The following RNF150 variants were observed in gnomAD, a reference collection of about 807,000 sequenced individuals.
The protein encoded by RNF150 is ring finger protein 150.
In RNF150, 24 loss-of-function variants were observed where a neutral mutation model predicts 39.3. The ratio of observed to expected loss-of-function variants is 0.61; its 90% CI spans 0.44 to 0.86. RNF150 has a LOEUF of 0.86. Ranked by LOEUF, RNF150 falls within the 40% of genes least tolerant of loss-of-function variation. RNF150 has a pLI of 0.00. For missense variants in RNF150, 502 were observed against 587.8 expected, an observed-to-expected ratio of 0.85 and a Z score of 1.51; for synonymous variants, 255 against 227.3, an observed-to-expected ratio of 1.12 and a Z score of -1.10.
In RNF150 at chr4:141,053,623, CATTA is replaced by C. The variant is rs1204804201; in HGVS notation, c.484+78698_484+78701del. The C allele has an allele frequency of 4.3e-6, 4 of 938,174 alleles. No individual in the cohort carries two copies. The Admixed American group carries it at 1.2e-4, about 28-fold the overall frequency. The allele number at this position is 938,174 out of a possible 1,614,324, so 58.1% of individuals were successfully genotyped here. A position where few individuals can be genotyped will look rare whatever the true frequency, so the allele number is the denominator to read the frequency against. ...AAGTTAAGGAAGATATCATGGAAGT[CATTA>C]AACTGAGTGAAGCGTGCATTTTAGA... is the stretch of plus-strand genomic sequence containing the variant. On this transcript the variant is annotated intron_variant, in intron 1 of 6. Coordinates refer to ENST00000515673, the MANE Select transcript of RNF150 (RefSeq NM_020724.2).
intron 1 of RNF150, among the ~76,000 whole-genome samples, chr4:141,153,005 A>G (rs375056400): frequency 2.6e-5 from 4 of 152,296 alleles, no homozygotes; most frequent in South Asian, 4.1e-4. Context: ...TTTTTGAGTT[A>G]CCAGAAGGGT....
chr4:140,921,523 G>A (rs1187753148), intron 5 of RNF150, among the ~76,000 whole-genome samples: 1 of 152,078 alleles, frequency 6.6e-6, no homozygotes, highest in Non-Finnish European at 1.5e-5. Context: ...ATTCACAGCC[G>A]AATTCTACCA....
chr4:140,952,878 G>T (rs962730486), intron 2 of RNF150, among the ~76,000 whole-genome samples: 1 of 152,182 alleles, frequency 6.6e-6, no homozygotes, highest in Non-Finnish European at 1.5e-5. Flanking sequence ...GAAATCCATT[G>T]TTAGGCGATT....
intron 6 of RNF150, among the ~76,000 whole-genome samples, chr4:140,902,308 G>A (rs1388998778): frequency 6.6e-6 from 1 of 152,118 alleles, no homozygotes; most frequent in Non-Finnish European, 1.5e-5. Flanking sequence ...CCTGAGCACT[G>A]GGAAGTAATT....
chr4:141,126,708 A>T (rs1726764602), intron 1 of RNF150, among the ~76,000 whole-genome samples: 1 of 152,204 alleles, frequency 6.6e-6, no homozygotes, highest in Non-Finnish European at 1.5e-5. Context: ...GGGTTTTCTG[A>T]TCAAGAAGCC....
chr4:141,006,892 T>C (rs2110733615), intron 1 of RNF150, among the ~76,000 whole-genome samples: 1 of 152,316 alleles, frequency 6.6e-6, no homozygotes, highest in Non-Finnish European at 1.5e-5. Context: ...GCAAAATGTA[T>C]ATATAGTTGC....
intron 4 of RNF150, among the ~76,000 whole-genome samples, chr4:140,936,654 A>G (rs1731873714): frequency 6.6e-6 from 1 of 152,166 alleles, no homozygotes. Context: ...TTAAAAAAGC[A>G]TTATAAAAAA....
At chr4:140,875,411 A>C (rs529606185) in intron 6 of RNF150, among the ~76,000 whole-genome samples, 5 of 152,238 alleles carry the variant, frequency 3.3e-5, no homozygotes, top group African/African-American at 1.2e-4. Flanking sequence ...TCCTGGCTTC[A>C]AGCCATCCTC....
intron 1 of RNF150, among the ~76,000 whole-genome samples, chr4:141,092,155 C>G (rs1738605213): frequency 6.6e-6 from 1 of 151,980 alleles, no homozygotes; most frequent in South Asian, 2.1e-4. Flanking sequence ...ACCAGCCTGG[C>G]CAACATGGCA....
At chr4:141,045,368 T>C (rs944469485) in intron 1 of RNF150, among the ~76,000 whole-genome samples, 2 of 152,172 alleles carry the variant, frequency 1.3e-5, no homozygotes, top group African/African-American at 4.8e-5. Flanking sequence ...ACTTACTAGG[T>C]TCCTATCCTC....
At chr4:141,140,970 A>C (rs1262621870) in intron 1 of RNF150, among the ~76,000 whole-genome samples, 1 of 152,206 alleles carries the variant, frequency 6.6e-6, no homozygotes, top group Non-Finnish European at 1.5e-5. Flanking sequence ...TTAGGTCAAG[A>C]CTGCAGCATG....
chr4:141,129,753 A>C (rs1330153312), intron 1 of RNF150, among the ~76,000 whole-genome samples: 3 of 152,340 alleles, frequency 2.0e-5, no homozygotes, highest in Admixed American at 6.5e-5. Flanking sequence ...AAAATTATTT[A>C]AGCAGGAAAA....
intron 1 of RNF150, among the ~76,000 whole-genome samples, chr4:141,201,919 G>C (rs1323043768): frequency 6.6e-6 from 1 of 152,072 alleles, no homozygotes. Context: ...GTGATAATTA[G>C]GCCATGAAGG....
At chr4:140,997,019 A>G (rs1560676225) in intron 1 of RNF150, 1 of 152,208 alleles carries the variant, frequency 6.6e-6, no homozygotes, top group Admixed American at 6.5e-5. Flanking sequence ...TTTCAGACCC[A>G]TTGAAGAATT....
At chr4:140,872,905 G>T (rs1729005157) in intron 6 of RNF150, among the ~76,000 whole-genome samples, 1 of 152,162 alleles carries the variant, frequency 6.6e-6, no homozygotes, top group Non-Finnish European at 1.5e-5. Context: ...CAATACATTT[G>T]GAAGTCTTCA....
chr4:140,878,164 GTTTTTTTTTTTT>G (rs58338048), intron 6 of RNF150, among the ~76,000 whole-genome samples: 9 of 90,512 alleles, frequency 9.9e-5, no homozygotes, highest in African/African-American at 3.2e-4. Context: ...ATCTCATTGT[GTTTTTTTTTTTT>G]TTTTTTTTTC....
chr4:141,190,504 T>G (rs754763129), intron 1 of RNF150, among the ~76,000 whole-genome samples: 1 of 152,176 alleles, frequency 6.6e-6, no homozygotes, highest in Non-Finnish European at 1.5e-5. Flanking sequence ...TACAGTCCTA[T>G]GACTACAAGG....
At chr4:140,907,197 G>C (rs1730414003) in intron 6 of RNF150, among the ~76,000 whole-genome samples, 1 of 152,152 alleles carries the variant, frequency 6.6e-6, no homozygotes, top group Non-Finnish European at 1.5e-5. Context: ...GGCATGATCA[G>C]GCTTACAGAT....
At chr4:141,176,935 G>T (rs962575443) in intron 1 of RNF150, among the ~76,000 whole-genome samples, 1 of 151,744 alleles carries the variant, frequency 6.6e-6, no homozygotes, top group South Asian at 2.1e-4. Flanking sequence ...TGGGTTTTTG[G>T]CTGGCCATGG....
Sources: gnomAD v4.1 joint callset for allele counts (sites outside exome capture counted in the v4.1 genomes callset) on GRCh38, gnomAD v4.1.1 for gene constraint, MANE v1.5 for transcripts, NCBI Gene and HGNC (gene_info 2026-07-23, HGNC 2026-07-21) for gene names.